The following OLFM2 variants were observed in gnomAD, a reference collection of about 807,000 sequenced individuals.
OLFM2 encodes the protein noelin-2.
Under a neutral mutation model 43.9 loss-of-function variants are expected in OLFM2, and 20 were observed. That is an observed-to-expected ratio of 0.46 (90% confidence interval 0.32 to 0.66). The LOEUF (loss-of-function observed/expected upper bound fraction) is 0.66. Among genes scored for constraint, OLFM2 ranks in the 30% least tolerant of loss-of-function variants. OLFM2 has a pLI of 0.04. For missense variants in OLFM2, 416 were observed against 643.6 expected (o/e 0.65, Z 3.83); for synonymous variants, 268 against 278.6 (o/e 0.96, Z 0.38).
intron 1 of OLFM2, among the ~76,000 whole-genome samples, chr19:9,863,185 A>C (rs2046376728): frequency 6.6e-6 from 1 of 152,102 alleles, no homozygotes; most frequent in Non-Finnish European, 1.5e-5. Context: ...AGGCAGGACC[A>C]TGCCTGGTGT....
chr19:9,894,602 G>A (rs1051033030), intron 1 of OLFM2, among the ~76,000 whole-genome samples: 259 of 150,042 alleles, frequency 1.7e-3, no homozygotes, highest in Non-Finnish European at 1.9e-3. Flanking sequence ...CCAGCTACTC[G>A]GGAGGCTGAG....
chr19:9,857,093 G>T lies in OLFM2; in HGVS notation c.580+170C>A. ...TGAGGGGTTAGAGGCCAAGGGTCAGGGCCATTTCCAGCTTCTGGACTCAAG... is the reference window on the plus strand; with the variant it reads ...TGAGGGGTTAGAGGCCAAGGGTCAGTGCCATTTCCAGCTTCTGGACTCAAG... On this transcript the variant is annotated intron_variant, in intron 4 of 5. Transcript: ENST00000264833. This position sits in a 1 kb window ranked among gnomAD's most constrained non-coding sequence, Gnocchi z 5.7. 2.4e-6 allele frequency: 2 copies of T among 826,220 alleles called. No homozygotes were observed. Among genetic ancestry groups the T allele is most frequent in the Admixed American group, 4.4e-5 (2 of 45,138 alleles). 51.2% of individuals were successfully genotyped at this position (826,220 alleles called of 1,614,324 possible). A position where few individuals can be genotyped will look rare whatever the true frequency, so the allele number is the denominator to read the frequency against.
Position 9,856,161 on chromosome 19 carries a change from C to T in OLFM2, c.687+646G>A, listed in dbSNP as rs887553480. ...TTGCCCAGGCTGCAGTGCAATGGTG[C>T]GATCTTGGCTCACTGCAACCTCTGC... On this transcript the variant is annotated intron_variant, in intron 5 of 5. Transcript: ENST00000264833. This position sits in a 1 kb window ranked among gnomAD's most constrained non-coding sequence, Gnocchi z 4.0. Among the ~76,000 whole-genome samples the T allele has an allele frequency of 2.2e-4, 33 of 152,244 alleles. No homozygotes were observed. Among genetic ancestry groups the T allele is most frequent in the African/African-American group, 6.3e-4 (26 of 41,546 alleles).
chr19:9,875,687 G>T (rs1326611292), intron 1 of OLFM2, among the ~76,000 whole-genome samples: 3 of 150,908 alleles, frequency 2.0e-5, no homozygotes, highest in Non-Finnish European at 3.0e-5. Context: ...TTTGTTTTTT[G>T]TTTGTTTTTT....
At chr19:9,860,868 G>A in intron 1 of OLFM2, 74 bp from the exon 2 acceptor site, 1 of 1,471,534 alleles carries the variant, frequency 6.8e-7, no homozygotes, top group Non-Finnish European at 9.1e-7. Context: ...ACAGGAAGGG[G>A]GCCCAAGGAA....
intron 1 of OLFM2, among the ~76,000 whole-genome samples, chr19:9,876,624 C>G (rs1445256065): frequency 6.6e-6 from 1 of 152,174 alleles, no homozygotes; most frequent in Non-Finnish European, 1.5e-5. Flanking sequence ...GTCTCAAATG[C>G]ATTCAATTCC....
At chr19:9,915,088 A>C (rs897436120) in intron 1 of OLFM2, among the ~76,000 whole-genome samples, 55 of 152,310 alleles carry the variant, frequency 3.6e-4, no homozygotes, top group African/African-American at 1.3e-3. Flanking sequence ...CCCATCTGCA[A>C]AGTGGGTGGT....
chr19:9,899,918 GTTTA>G (rs892646987), intron 1 of OLFM2, among the ~76,000 whole-genome samples: 6 of 151,614 alleles, frequency 4.0e-5, no homozygotes, highest in Non-Finnish European at 8.8e-5. Flanking sequence ...ATAATTTCTT[GTTTA>G]TTTGTTTGTT....
intron 1 of OLFM2, among the ~76,000 whole-genome samples, chr19:9,925,244 G>A: frequency 6.6e-6 from 1 of 152,058 alleles, no homozygotes; most frequent in Non-Finnish European, 1.5e-5. Context: ...GGGACAGAGT[G>A]AGACCCTGTC....
chr19:9,865,524 C>T (rs1349954588), intron 1 of OLFM2, among the ~76,000 whole-genome samples: 4 of 103,240 alleles, frequency 3.9e-5, no homozygotes, highest in Non-Finnish European at 7.0e-5. Context: ...GGGAGTCTTG[C>T]TCTGTCGCCC....
chr19:9,899,189 CG>C (rs1271802800), intron 1 of OLFM2, among the ~76,000 whole-genome samples: 2 of 151,756 alleles, frequency 1.3e-5, no homozygotes, highest in African/African-American at 4.8e-5. Flanking sequence ...CACTTGAACC[CG>C]GGAGGTGGAG....
Position 9,854,190 on chromosome 19 carries a change from G to C in OLFM2, c.1361C>G (p.Pro454Arg), listed in dbSNP as rs771087223. The change falls in exon 6 of 6, where the codon CCC (proline) becomes CGC (arginine). Residue 454 changes from proline to arginine, a missense_variant. Transcript: ENST00000264833. The surrounding 1 kb of genome is among the most constrained non-coding windows in gnomAD (Gnocchi z 9.5). ...LFHVISTSGD[P>R] Reference sequence around the variant, plus strand: ...AGCCCGAGCCACAGCATTGGCTCAGGGGTCCCCAGAGGTGCTGATGACGTG... The same window carrying C: ...AGCCCGAGCCACAGCATTGGCTCAGCGGTCCCCAGAGGTGCTGATGACGTG... 14 of 1,613,988 alleles carry C rather than the reference G, an allele frequency of 8.7e-6. No homozygotes were observed. The Admixed American group carries it at 2.3e-4, about 27-fold the overall frequency.
intron 1 of OLFM2, among the ~76,000 whole-genome samples, chr19:9,899,853 G>T (rs557291360): frequency 9.2e-5 from 14 of 151,576 alleles, no homozygotes; most frequent in Middle Eastern, 6.8e-3. Context: ...CACCACACCC[G>T]CCCCACCCCC....
At chr19:9,862,197 C>A (rs1024783895) in intron 1 of OLFM2, among the ~76,000 whole-genome samples, 1 of 152,106 alleles carries the variant, frequency 6.6e-6, no homozygotes, top group African/African-American at 2.4e-5. Flanking sequence ...CTTCTAGAAC[C>A]ACATGCTGCA....
At chr19:9,877,098 C>T (rs911602511) in intron 1 of OLFM2, among the ~76,000 whole-genome samples, 3 of 151,436 alleles carry the variant, frequency 2.0e-5, no homozygotes, top group Admixed American at 6.6e-5. Context: ...GGCATGATGG[C>T]GGGCGCCTGT....
intron 1 of OLFM2, among the ~76,000 whole-genome samples, chr19:9,861,290 G>A (rs1202297922): frequency 2.7e-5 from 4 of 150,218 alleles, no homozygotes; most frequent in Admixed American, 1.3e-4. Context: ...GAGCAGTGGC[G>A]CGATCTGGGC....
At chr19:9,918,484 G>A (rs779567857) in intron 1 of OLFM2, among the ~76,000 whole-genome samples, 28 of 152,088 alleles carry the variant, frequency 1.8e-4, no homozygotes, top group Non-Finnish European at 3.7e-4. Context: ...AAGCCACCAC[G>A]CCAGACCCTA....
intron 1 of OLFM2, among the ~76,000 whole-genome samples, chr19:9,908,375 C>T (rs1435865946): frequency 2.0e-5 from 3 of 151,094 alleles, no homozygotes; most frequent in African/African-American, 7.3e-5. Context: ...GGCGCGATCT[C>T]GGCTCACTGC....
intron 1 of OLFM2, among the ~76,000 whole-genome samples, chr19:9,897,687 G>A (rs2046698391): frequency 6.6e-6 from 1 of 152,034 alleles, no homozygotes; most frequent in Admixed American, 6.6e-5. Context: ...GGCATGAGAT[G>A]CCAGGTGGGG....
Sources: gnomAD v4.1 joint callset for allele counts (sites outside exome capture counted in the v4.1 genomes callset) on GRCh38, gnomAD v4.1.1 for gene constraint, Gnocchi (gnomAD v3.1) non-coding constraint, MANE v1.5 for transcripts, NCBI Gene and HGNC (gene_info 2026-07-23, HGNC 2026-07-21) for gene names.